Variants in PRKAR1B observed in about 807,000 individuals in gnomAD.
The protein encoded by PRKAR1B is cAMP-dependent protein kinase type I-beta regulatory subunit.
In PRKAR1B, 22 loss-of-function variants were observed where a neutral mutation model predicts 46.5. The ratio of observed to expected loss-of-function variants is 0.47; its 90% CI spans 0.34 to 0.68. PRKAR1B has a LOEUF of 0.68. PRKAR1B is among the 30% of genes least tolerant of loss of function. The pLI is 0.01. For missense variants in PRKAR1B, 445 were observed against 535.6 expected (o/e 0.83, Z 1.67); for synonymous variants, 259 against 217.7 (o/e 1.19, Z -1.67).
chr7:658,749 C>G (rs536677735), intron 4 of PRKAR1B, among the ~76,000 whole-genome samples: 2 of 152,260 alleles, frequency 1.3e-5, no homozygotes, highest in Admixed American at 1.3e-4. Flanking sequence ...CTCCCTGGTT[C>G]AAGTGATTCT....
intron 6 of PRKAR1B, among the ~76,000 whole-genome samples, chr7:597,329 A>C (rs1439618504): frequency 1.3e-5 from 2 of 152,158 alleles, no homozygotes; most frequent in African/African-American, 4.8e-5. Flanking sequence ...GTAACTCCAC[A>C]ATTAGGTACA....
At chr7:592,143 C>G (rs772125344) in intron 7 of PRKAR1B, among the ~76,000 whole-genome samples, 1 of 152,224 alleles carries the variant, frequency 6.6e-6, no homozygotes, top group African/African-American at 2.4e-5. Context: ...AGGGTCCCCA[C>G]GTGCACACTG....
intron 8 of PRKAR1B, among the ~76,000 whole-genome samples, chr7:582,174 C>T (rs146872796): frequency 2.6e-5 from 4 of 152,388 alleles, no homozygotes; most frequent in Non-Finnish European, 5.9e-5. Flanking sequence ...GGGGGGAACC[C>T]ATCGTCAAGC....
intron 1 of PRKAR1B, among the ~76,000 whole-genome samples, chr7:723,418 G>A (rs536686272): frequency 5.3e-5 from 8 of 152,224 alleles, no homozygotes; most frequent in Admixed American, 5.2e-4. Flanking sequence ...ACACATGAGA[G>A]AAAAAGAAAA....
intron 4 of PRKAR1B, among the ~76,000 whole-genome samples, chr7:610,864 G>A (rs1288202878): frequency 6.6e-6 from 1 of 152,198 alleles, no homozygotes; most frequent in East Asian, 1.9e-4. Context: ...CTCACATGTG[G>A]GTTGCCCCAC....
intron 4 of PRKAR1B, among the ~76,000 whole-genome samples, chr7:639,812 G>A (rs566108554): frequency 8.6e-5 from 13 of 151,632 alleles, no homozygotes; most frequent in Non-Finnish European, 1.3e-4. Context: ...CATGATCATC[G>A]CGCCACTGCA....
At chr7:553,603 G>A (rs373971964) in intron 9 of PRKAR1B, among the ~76,000 whole-genome samples, 3 of 152,342 alleles carry the variant, frequency 2.0e-5, no homozygotes, top group Admixed American at 2.0e-4. Context: ...GGCCCTCTGA[G>A]AGCAGCTGCT....
At chr7:566,423 TCACCACCA>T (rs1779145379) in intron 9 of PRKAR1B, among the ~76,000 whole-genome samples, 1 of 148,116 alleles carries the variant, frequency 6.8e-6, no homozygotes, top group Admixed American at 6.7e-5. Context: ...ATTATCACCA[TCACCACCA>T]TCACCATCAC....
At chr7:579,192 G>A in intron 9 of PRKAR1B, 64 bp downstream of exon 9, 2 of 1,611,486 alleles carry the variant, frequency 1.2e-6, no homozygotes, top group Admixed American at 1.7e-5. Context: ...TGGAAGAGGA[G>A]AAGGTAAGAA....
intron 4 of PRKAR1B, among the ~76,000 whole-genome samples, chr7:635,467 C>T (rs1206810707): frequency 1.3e-5 from 2 of 152,198 alleles, no homozygotes; most frequent in East Asian, 1.9e-4. Flanking sequence ...CCCCCTGGGG[C>T]TCAGGGAGCG....
At chr7:577,644 G>A (rs750106935) in intron 9 of PRKAR1B, among the ~76,000 whole-genome samples, 1 of 152,196 alleles carries the variant, frequency 6.6e-6, no homozygotes, top group Non-Finnish European at 1.5e-5. Flanking sequence ...GCCGGCCCTG[G>A]GGTTCCGGCC....
chr7:680,325 C>G (rs1461313879), intron 3 of PRKAR1B, among the ~76,000 whole-genome samples: 1 of 152,126 alleles, frequency 6.6e-6, no homozygotes. Context: ...TGCAGTGACC[C>G]CACACAGAGC....
intron 4 of PRKAR1B, among the ~76,000 whole-genome samples, chr7:629,102 C>T (rs907621520): frequency 6.6e-6 from 1 of 152,260 alleles, no homozygotes; most frequent in Middle Eastern, 3.2e-3. Context: ...GGAGACATTC[C>T]CAAGCCTGGC....
At chr7:699,761 G>C (rs1204538956) in intron 2 of PRKAR1B, among the ~76,000 whole-genome samples, 1 of 152,220 alleles carries the variant, frequency 6.6e-6, no homozygotes, top group African/African-American at 2.4e-5. Flanking sequence ...GGCTGCAGTG[G>C]AGAGGCAAGC....
At chr7:691,154 C>T (rs1031266475) in intron 2 of PRKAR1B, among the ~76,000 whole-genome samples, 1 of 151,934 alleles carries the variant, frequency 6.6e-6, no homozygotes, top group African/African-American at 2.4e-5. Flanking sequence ...CGAAGGGTCC[C>T]GCGCCCACCC....
chr7:673,070 A>AC (rs1375138314), intron 4 of PRKAR1B, among the ~76,000 whole-genome samples: 38 of 143,312 alleles, frequency 2.7e-4, no homozygotes, highest in African/African-American at 9.7e-4. Context: ...AAAAAAAAAA[A>AC]AAAAAAAACA....
At chr7:723,809 G>A (rs947637231) in intron 1 of PRKAR1B, among the ~76,000 whole-genome samples, 3 of 152,164 alleles carry the variant, frequency 2.0e-5, no homozygotes, top group African/African-American at 7.2e-5. Context: ...TGTGACCAGG[G>A]TCAGCCTCCC....
At chr7:628,729 G>C (rs1783556136) in intron 4 of PRKAR1B, among the ~76,000 whole-genome samples, 1 of 152,214 alleles carries the variant, frequency 6.6e-6, no homozygotes, top group South Asian at 2.1e-4. Context: ...ACCCCGGGTA[G>C]AGTTGGCAAA....
At chr7:616,496 T>G (rs1455660719) in intron 4 of PRKAR1B, among the ~76,000 whole-genome samples, 1 of 152,206 alleles carries the variant, frequency 6.6e-6, no homozygotes. Context: ...CGGAGCTGCG[T>G]CCTGCCAGCC....
Sources: gnomAD v4.1 joint callset for allele counts (sites outside exome capture counted in the v4.1 genomes callset) on GRCh38, gnomAD v4.1.1 for gene constraint, MANE v1.5 for transcripts, NCBI Gene and HGNC (gene_info 2026-07-23, HGNC 2026-07-21) for gene names.